GPR155: variants seen among roughly 807,000 people sequenced by gnomAD.
GPR155 encodes the protein lysosomal cholesterol signaling protein.
In GPR155, 65 loss-of-function variants were observed where a neutral mutation model predicts 93.1. That is an observed-to-expected ratio of 0.70 (90% CI 0.57 to 0.86). The LOEUF (loss-of-function observed/expected upper bound fraction) is 0.86. Ranked by LOEUF, GPR155 falls within the 40% of genes least tolerant of loss-of-function variation. GPR155 has a pLI of 0.00. For missense variants in GPR155, 838 were observed against 1,034.8 expected (o/e 0.81, Z 2.61); for synonymous variants, 319 against 360.1 (o/e 0.89, Z 1.29).
chr2:174,484,794 C>T (rs1164534168), intron 1 of GPR155, among the ~76,000 whole-genome samples: 1 of 152,104 alleles, frequency 6.6e-6, no homozygotes, highest in Admixed American at 6.5e-5. Flanking sequence ...CTTAGTCATG[C>T]GTGCCTGTTG....
intron 10 of GPR155, among the ~76,000 whole-genome samples, chr2:174,455,944 G>T (rs1470107306): frequency 2.6e-5 from 4 of 152,028 alleles, no homozygotes; most frequent in African/African-American, 7.2e-5. Context: ...AGGTTCAAGC[G>T]ATTCTCATGC....
chr2:174,447,062 T>C (rs745846082), intron 11 of GPR155, among the ~76,000 whole-genome samples: 2 of 151,950 alleles, frequency 1.3e-5, no homozygotes, highest in African/African-American at 2.4e-5. Context: ...TTTGCCTGGG[T>C]GCGGTGGCTC....
At chr2:174,439,272 AAG>A (rs1240696781) in intron 15 of GPR155, among the ~76,000 whole-genome samples, 3 of 152,028 alleles carry the variant, frequency 2.0e-5, no homozygotes, top group Admixed American at 6.5e-5. Flanking sequence ...TTTTATGACA[AAG>A]AGAAATACTG....
At chr2:174,483,220 T>G (rs912962713) in intron 1 of GPR155, 1 of 22,114 alleles carries the variant, frequency 4.5e-5, no homozygotes, top group Non-Finnish European at 1.4e-4. Context: ...TACTTATACT[T>G]AAACCTTTTA....
At chr2:174,468,083 T>A (rs1404471000) in intron 5 of GPR155, among the ~76,000 whole-genome samples, 1 of 152,200 alleles carries the variant, frequency 6.6e-6, no homozygotes. Context: ...ACCTACGTAT[T>A]GGCCAGGTAA....
At chr2:174,457,239 G>C (rs558472941) in intron 10 of GPR155, among the ~76,000 whole-genome samples, 2 of 152,350 alleles carry the variant, frequency 1.3e-5, no homozygotes, top group Non-Finnish European at 2.9e-5. Context: ...TTGAACCCAG[G>C]AGGTGGAAGC....
chr2:174,437,874 G>A (rs879902250), intron 15 of GPR155, among the ~76,000 whole-genome samples: 5 of 151,450 alleles, frequency 3.3e-5, no homozygotes, highest in Admixed American at 6.6e-5. Flanking sequence ...GTGAGCCACC[G>A]TGCCTGGCCT....
chr2:174,484,756 C>T (rs1283362662), intron 1 of GPR155, among the ~76,000 whole-genome samples: 1 of 152,150 alleles, frequency 6.6e-6, no homozygotes, highest in Non-Finnish European at 1.5e-5. Context: ...CATGGCAAAA[C>T]CTTAGTCTCT....
At chr2:174,474,512 C>T (rs1240411415) in intron 2 of GPR155, among the ~76,000 whole-genome samples, 5 of 151,964 alleles carry the variant, frequency 3.3e-5, no homozygotes, top group African/African-American at 1.2e-4. Context: ...AGCTTCATTT[C>T]CCCCCACCCC....
Position 174,475,111 on chromosome 2 carries a change from T to C in GPR155, c.461-1747A>G, listed in dbSNP as rs555245794. On this transcript the variant is annotated intron_variant, in intron 2 of 15. Transcript: ENST00000392552. Reference sequence around the variant, plus strand: ...GAGATCGAGACCATCCCGGCTAAAATGGTGAAACCCCGTCTCTACTAAAAA... The same window carrying C: ...GAGATCGAGACCATCCCGGCTAAAACGGTGAAACCCCGTCTCTACTAAAAA... 2.8e-3 allele frequency among the ~76,000 whole-genome samples: 419 copies of C among 150,102 alleles called. 2 individuals carry two copies. Among genetic ancestry groups the C allele is most frequent in the African/African-American group, 9.6e-3 (391 of 40,738 alleles).
chr2:174,461,671 G>C lies in GPR155; in HGVS notation c.1386C>G (p.Gly462=), dbSNP rs1687701650. 6.4e-7 allele frequency: 1 copy of C among 1,552,280 alleles called. No homozygotes were observed. Among genetic ancestry groups the C allele is most frequent in the East Asian group, 2.2e-5 (1 of 44,524 alleles). The part of the protein sequence containing the change: ...SSLYSTYLWT[G]LLAISLFLLK... ...AAAGAAACAAAGAAATTGCTAGAAG[G>C]CCTAAGAATAAGAAGATTGAAAGAG... The change falls in exon 8 of 16, where the codon GGC becomes GGG. Residue 462 remains glycine, a splice_region_variant and synonymous_variant. Coordinates refer to ENST00000392552, the MANE Select transcript of GPR155 (RefSeq NM_152529.7).
At chr2:174,446,581 C>T (rs1687137576) in intron 12 of GPR155, 30 bp downstream of exon 12, 11 of 1,583,024 alleles carry the variant, frequency 6.9e-6, no homozygotes, top group Non-Finnish European at 9.4e-6. Flanking sequence ...AAAGAAATGG[C>T]CCCAAAACAA....
At chr2:174,479,311 AG>A (rs1390116387) in intron 2 of GPR155, among the ~76,000 whole-genome samples, 7 of 152,160 alleles carry the variant, frequency 4.6e-5, no homozygotes, top group Non-Finnish European at 1.0e-4. Flanking sequence ...AATATTTTAG[AG>A]GAAAAAAACC....
chr2:174,461,866 G>T (rs1687707482), intron 7 of GPR155, among the ~76,000 whole-genome samples, 194 bp from the exon 8 acceptor site: 1 of 152,000 alleles, frequency 6.6e-6, no homozygotes. Context: ...ATCATTCATT[G>T]TTTCCCTCAT....
intron 10 of GPR155, among the ~76,000 whole-genome samples, chr2:174,455,553 G>C (rs979124545): frequency 6.6e-6 from 1 of 152,208 alleles, no homozygotes; most frequent in African/African-American, 2.4e-5. Context: ...AGAGTGACAA[G>C]AAACAGGAAG....
rs901585344 is a variant in GPR155, at chr2:174,435,777, A to G, written c.*339T>C. 5.1e-6 allele frequency: 1 copy of G among 195,012 alleles called. No homozygotes were observed. The highest frequency in any genetic ancestry group is 1.1e-5 in the Non-Finnish European group (1 of 94,810). 12.1% of individuals were successfully genotyped at this position (195,012 alleles called of 1,614,324 possible). On this transcript the variant is annotated 3_prime_UTR_variant, in exon 16 of 16. Coordinates refer to ENST00000392552, the MANE Select transcript of GPR155 (RefSeq NM_152529.7). ...GCGTGAGCCACCATGCCCGGCCTAC[A>G]CCATTTTATATAAGGGACTTGAGTA...
chr2:174,470,177 G>T (rs1042659040), intron 4 of GPR155, among the ~76,000 whole-genome samples: 2 of 152,076 alleles, frequency 1.3e-5, no homozygotes, highest in Admixed American at 1.3e-4. Context: ...AAATTAAAAT[G>T]GGCTGGGCAC....
chr2:174,468,109 C>A (rs1483715947), intron 5 of GPR155, among the ~76,000 whole-genome samples: 2 of 152,138 alleles, frequency 1.3e-5, no homozygotes, highest in Non-Finnish European at 2.9e-5. Flanking sequence ...CTGGCGACTT[C>A]CTTCTTTCCT....
At chr2:174,437,515 G>C (rs1216080419) in intron 15 of GPR155, among the ~76,000 whole-genome samples, 1 of 151,274 alleles carries the variant, frequency 6.6e-6, no homozygotes, top group Non-Finnish European at 1.5e-5. Flanking sequence ...CAAAAGCCTG[G>C]ATATTATACT....
Sources: allele counts gnomAD v4.1 joint callset (sites outside exome capture counted in the v4.1 genomes callset), GRCh38; gene constraint gnomAD v4.1.1; transcripts MANE v1.5; gene names NCBI Gene and HGNC (gene_info 2026-07-23, HGNC 2026-07-21).